Variants in MORC3 observed in about 807,000 individuals in gnomAD.
MORC3 encodes MORC family CW-type zinc finger protein 3.
A neutral mutation model predicts 109.1 loss-of-function variants in MORC3; 31 were observed. The observed-to-expected ratio is 0.28, with a 90% CI of 0.21 to 0.38. The LOEUF (loss-of-function observed/expected upper bound fraction) is 0.38. MORC3 is among the 10% of genes least tolerant of loss of function. The pLI is 1.00. For missense variants in MORC3, 867 were observed against 1,135.8 expected (o/e 0.76, Z 3.40); for synonymous variants, 395 against 380.7 (o/e 1.04, Z -0.44).
intron 13 of MORC3, among the ~76,000 whole-genome samples, chr21:36,363,264 T>C (rs1356006363): frequency 6.6e-6 from 1 of 151,812 alleles, no homozygotes. Flanking sequence ...ACTAAAAATA[T>C]AAAAAATAAT....
intron 13 of MORC3, 64 bp downstream of exon 13, chr21:36,362,292 C>A: frequency 6.5e-7 from 1 of 1,530,060 alleles, no homozygotes. Flanking sequence ...CCCGTAATCC[C>A]AGCATTTTGG....
intron 14 of MORC3, among the ~76,000 whole-genome samples, chr21:36,364,804 C>T (rs2085760302): frequency 6.6e-6 from 1 of 151,704 alleles, no homozygotes; most frequent in Non-Finnish European, 1.5e-5. Context: ...GTAATCCCAG[C>T]ACTTTGGGAG....
In MORC3 at chr21:36,341,518, T is replaced by G; in HGVS notation, c.728T>G (p.Ile243Ser). 1 of 1,613,926 alleles carries G rather than the reference T, an allele frequency of 6.2e-7. No individual in the cohort carries two copies. The highest frequency in any genetic ancestry group is 8.5e-7 in the Non-Finnish European group (1 of 1,179,996). ...GYKKQERMDQ[I>S]APESDYSLRA... ...AAGAAGCAGGAAAGGATGGACCAGA[T>G]TGCCCCTGAGAGTGACTATTCCCTG... is the stretch of plus-strand genomic sequence containing the variant. Residue 243 changes from isoleucine (I) to serine (S), a missense_variant, in exon 6 of 17, where the codon ATT (isoleucine) becomes AGT (serine). Ile to Ser is a moderately radical substitution (Grantham distance 142). Around this residue, in one of 7 missense-constraint regions of MORC3, gnomAD observed 134 missense variants for 166.6 expected, o/e 0.80. Transcript: ENST00000400485.
chr21:36,344,818 T>A, intron 7 of MORC3, 94 bp from the exon 8 acceptor site: 1 of 1,595,198 alleles, frequency 6.3e-7, no homozygotes. Context: ...TTTGCCCTCC[T>A]TTGTGTGCTT....
At chr21:36,330,343 TA>T (rs1218870416) in intron 1 of MORC3, among the ~76,000 whole-genome samples, 4 of 152,200 alleles carry the variant, frequency 2.6e-5, no homozygotes, top group African/African-American at 9.6e-5. Flanking sequence ...ATCCTTGTCT[TA>T]ACCCAAACAT....
chr21:36,352,269 C>T (rs1414627092), intron 9 of MORC3, among the ~76,000 whole-genome samples: 6 of 152,138 alleles, frequency 3.9e-5, no homozygotes, highest in East Asian at 1.9e-4. Flanking sequence ...TACACACACA[C>T]GGCAAGCTAC....
intron 1 of MORC3, among the ~76,000 whole-genome samples, chr21:36,326,079 T>TAATCCCA (rs2085244839): frequency 6.6e-6 from 1 of 151,250 alleles, no homozygotes; most frequent in Non-Finnish European, 1.5e-5. Flanking sequence ...TGGTGGTGGG[T>TAATCCCA]GCCTGTAATC....
At chr21:36,350,460 C>G (rs574037196) in intron 9 of MORC3, among the ~76,000 whole-genome samples, 2 of 150,910 alleles carry the variant, frequency 1.3e-5, no homozygotes, top group South Asian at 4.2e-4. Context: ...GGGAGGATCA[C>G]TTGAGCTCAG....
intron 1 of MORC3, among the ~76,000 whole-genome samples, chr21:36,322,027 A>G (rs1221062479): frequency 2.6e-5 from 4 of 152,172 alleles, no homozygotes; most frequent in Admixed American, 1.3e-4. Context: ...GAAATCTCCC[A>G]TCTGCAGCCT....
intron 14 of MORC3, among the ~76,000 whole-genome samples, chr21:36,364,697 A>G (rs1043487303): frequency 1.3e-5 from 2 of 151,544 alleles, no homozygotes. Flanking sequence ...TCGCATTCTC[A>G]CCTGTTTGAA....
rs769057165 is a variant in MORC3, at chr21:36,344,757, C to G, written c.885+50C>G. 9 of 1,602,234 alleles carry G rather than the reference C, an allele frequency of 5.6e-6. No individual in the cohort carries two copies. In the African/African-American group the frequency reaches 1.2e-4, roughly 22 times the overall value. The stretch of plus-strand genomic sequence containing the variant: ...GAGATATGTTAGTCAGGTGTATTCT[C>G]TTTTGCCCCTTTCCCCTTATATGCT... On this transcript the variant is annotated intron_variant, in intron 7 of 16. Transcript: ENST00000400485.
chr21:36,341,347 T>A, intron 5 of MORC3, 52 bp from the exon 6 acceptor site: 1 of 1,521,526 alleles, frequency 6.6e-7, no homozygotes, highest in Non-Finnish European at 9.0e-7. Context: ...GTTTGCTGGC[T>A]TATCTTGCTG....
At chr21:36,354,305 T>C (rs2146321214) in intron 9 of MORC3, among the ~76,000 whole-genome samples, 1 of 109,810 alleles carries the variant, frequency 9.1e-6, no homozygotes, top group South Asian at 5.0e-4. Context: ...CATTTTTGTT[T>C]TCTTTCTTTC....
At chr21:36,320,383 T>TGGCGGCTTGTGGGGCCGACGCGGC in intron 1 of MORC3, 80 bp downstream of exon 1, 1 of 1,131,858 alleles carries the variant, frequency 8.8e-7, no homozygotes, top group Admixed American at 4.5e-5. Flanking sequence ...CAGTGGGCGG[T>TGGCGGCTTGTGGGGCCGACGCGGC]GGCGGCTTGT....
At chr21:36,353,560 G>A (rs559521402) in intron 9 of MORC3, among the ~76,000 whole-genome samples, 48 of 151,332 alleles carry the variant, frequency 3.2e-4, no homozygotes, top group African/African-American at 1.1e-3. Context: ...GGCTAACATG[G>A]TGAAACCCCA....
At chr21:36,329,528 A>G (rs369339070) in intron 1 of MORC3, among the ~76,000 whole-genome samples, 3 of 152,170 alleles carry the variant, frequency 2.0e-5, no homozygotes, top group Non-Finnish European at 4.4e-5. Context: ...AAGGGTTTAT[A>G]GTAGTTGACT....
intron 1 of MORC3, among the ~76,000 whole-genome samples, chr21:36,322,696 C>T (rs2085206872): frequency 6.6e-6 from 1 of 152,128 alleles, no homozygotes; most frequent in South Asian, 2.1e-4. Flanking sequence ...TTTAAACAGT[C>T]ATTTAGGAGG....
At chr21:36,328,327 T>C (rs987069772) in intron 1 of MORC3, among the ~76,000 whole-genome samples, 2 of 145,830 alleles carry the variant, frequency 1.4e-5, no homozygotes, top group African/African-American at 5.0e-5. Context: ...TTTATAATAA[T>C]AAGCCCCCCC....
intron 1 of MORC3, among the ~76,000 whole-genome samples, chr21:36,324,338 C>T (rs951824084): frequency 6.0e-5 from 9 of 150,526 alleles, no homozygotes; most frequent in Non-Finnish European, 1.3e-4. Context: ...AGTGCAGTGG[C>T]GCGATCTCGG....
Sources: gnomAD v4.1 joint callset for allele counts (sites outside exome capture counted in the v4.1 genomes callset) on GRCh38, gnomAD v4.1.1 for gene constraint, gnomAD v4.1.1 regional missense constraint, MANE v1.5 for transcripts, NCBI Gene and HGNC (gene_info 2026-07-23, HGNC 2026-07-21) for gene names.